Variants in CLVS1 observed in about 807,000 individuals in gnomAD.
CLVS1 encodes clavesin-1.
CLVS1 carries 10 observed loss-of-function variants against 33.1 expected under a neutral mutation model. That is an observed-to-expected ratio of 0.30 (90% CI 0.19 to 0.51). The LOEUF (loss-of-function observed/expected upper bound fraction) is 0.51, where lower values mean the gene tolerates loss of function less well. Ranked by LOEUF, CLVS1 falls within the 20% of genes least tolerant of loss-of-function variation. CLVS1 has a pLI of 0.97. For synonymous variants in CLVS1, 163 were observed against 166.1 expected, an observed-to-expected ratio of 0.98 and a Z score of 0.14; for missense variants, 343 against 433.4, an observed-to-expected ratio of 0.79 and a Z score of 1.85.
chr8:61,430,622 G>A (rs117441024), intron 3 of CLVS1, among the ~76,000 whole-genome samples: 350 of 152,212 alleles, frequency 2.3e-3, no homozygotes, highest in Non-Finnish European at 3.5e-3. Context: ...CTCTTCTCTG[G>A]GGTCCCAGGT....
chr8:60,978,594 C>T, the CLVS1 span, among the ~76,000 whole-genome samples: 1 of 151,976 alleles, frequency 6.6e-6, no homozygotes. Flanking sequence ...GCAGGCGGAT[C>T]ACCTGAGATT....
At chr8:61,146,560 G>A (rs1198734615) in intron 2 of CLVS1, among the ~76,000 whole-genome samples, 7 of 152,212 alleles carry the variant, frequency 4.6e-5, no homozygotes, top group Non-Finnish European at 1.0e-4. Flanking sequence ...AGATTTGTGA[G>A]TGACATTTAG....
chr8:61,271,790 A>G (rs372440643), intron 2 of CLVS1, among the ~76,000 whole-genome samples: 5 of 147,392 alleles, frequency 3.4e-5, no homozygotes, highest in East Asian at 4.0e-4. Context: ...TGTCTCTTTT[A>G]ATCTTTGTTG....
chr8:61,005,262 T>C, the CLVS1 span, among the ~76,000 whole-genome samples: 178 of 152,296 alleles, frequency 1.2e-3, 1 homozygote, highest in Non-Finnish European at 2.3e-3. Flanking sequence ...AGTCTCAAAA[T>C]TGATAGAACA....
intron 2 of CLVS1, among the ~76,000 whole-genome samples, chr8:61,205,968 G>A (rs192832844): frequency 6.6e-6 from 1 of 152,214 alleles, no homozygotes; most frequent in East Asian, 1.9e-4. Flanking sequence ...TAGCCTGTAA[G>A]CTCAAAAGAG....
At chr8:61,432,401 A>T (rs2129605556) in intron 3 of CLVS1, among the ~76,000 whole-genome samples, 1 of 152,308 alleles carries the variant, frequency 6.6e-6, no homozygotes, top group East Asian at 1.9e-4. Flanking sequence ...TTAAAGAGGT[A>T]ATTAAGGTAA....
chr8:61,013,361 ATGTGTTTCAGGGC>A, the CLVS1 span, among the ~76,000 whole-genome samples: 465 of 152,264 alleles, frequency 3.1e-3, 2 homozygotes, highest in African/African-American at 0.01. Flanking sequence ...GTGGCTGAGA[ATGTGTTTCAGGGC>A]TGTACCTCAG....
At chr8:61,139,000 C>T (rs998852055) in intron 2 of CLVS1, among the ~76,000 whole-genome samples, 1 of 152,262 alleles carries the variant, frequency 6.6e-6, no homozygotes, top group Non-Finnish European at 1.5e-5. Context: ...GCTCTTGTTG[C>T]ACTGAAGCTT....
At chr8:61,115,629 G>T (rs1350957337) in intron 1 of CLVS1, among the ~76,000 whole-genome samples, 1 of 151,736 alleles carries the variant, frequency 6.6e-6, no homozygotes, top group Non-Finnish European at 1.5e-5. Context: ...GCGGTGTTTG[G>T]TTTTTTGTTC....
intron 2 of CLVS1, among the ~76,000 whole-genome samples, chr8:61,208,499 T>C (rs899690858): frequency 1.3e-5 from 2 of 152,244 alleles, no homozygotes; most frequent in African/African-American, 2.4e-5. Flanking sequence ...TATTTTGCAG[T>C]GTTTGAATGT....
At chr8:61,264,127 G>C (rs3912535) in intron 2 of CLVS1, among the ~76,000 whole-genome samples, 7 of 151,792 alleles carry the variant, frequency 4.6e-5, no homozygotes, top group Non-Finnish European at 1.0e-4. Flanking sequence ...ACCTATAATA[G>C]AGGCTCAAGC....
chr8:61,423,915 G>T (rs902319801), intron 3 of CLVS1, among the ~76,000 whole-genome samples: 1 of 151,994 alleles, frequency 6.6e-6, no homozygotes, highest in Non-Finnish European at 1.5e-5. Flanking sequence ...TGTGGCAAAG[G>T]TATGTAATTT....
chr8:61,033,319 G>C, the CLVS1 span, among the ~76,000 whole-genome samples: 14 of 116,754 alleles, frequency 1.2e-4, no homozygotes, highest in East Asian at 5.3e-4. Context: ...CTGGCCTGGT[G>C]TCTTTCCCCT....
intron 2 of CLVS1, among the ~76,000 whole-genome samples, chr8:61,147,955 A>G (rs577284927): frequency 1.3e-5 from 2 of 152,366 alleles, no homozygotes; most frequent in Admixed American, 6.5e-5. Context: ...AATGAGAAAA[A>G]TCAAAACCGT....
chr8:60,984,854 T>C, the CLVS1 span, among the ~76,000 whole-genome samples: 1 of 152,142 alleles, frequency 6.6e-6, no homozygotes, highest in Non-Finnish European at 1.5e-5. Context: ...AGCTAGGAAG[T>C]GACAGAGCTG....
At chr8:61,256,181 AC>A (rs1300700327) in intron 2 of CLVS1, among the ~76,000 whole-genome samples, 1 of 152,082 alleles carries the variant, frequency 6.6e-6, no homozygotes, top group Non-Finnish European at 1.5e-5. Flanking sequence ...GAATTTGACT[AC>A]TAAAGGTACC....
In CLVS1 at chr8:61,408,478, T is replaced by C. The variant is rs16927295; in HGVS notation, c.630+31699T>C. 2.3e-3 allele frequency among the ~76,000 whole-genome samples: 355 copies of C among 152,344 alleles called. 3 individuals carry two copies. The highest frequency in any genetic ancestry group is 7.7e-3 in the African/African-American group (321 of 41,590). On this transcript the variant is annotated intron_variant, in intron 3 of 5. Coordinates refer to ENST00000325897, the MANE Select transcript of CLVS1 (RefSeq NM_173519.3). ...GTCTTTACTACATGATGTTAGAATA[T>C]GATCTACTTCTTTTCTCCAGACCTG...
intron 2 of CLVS1, among the ~76,000 whole-genome samples, chr8:61,240,489 A>G (rs1433529478): frequency 6.6e-6 from 1 of 152,122 alleles, no homozygotes; most frequent in Non-Finnish European, 1.5e-5. Context: ...TTGTCAAACA[A>G]TTTCTATGTG....
At chr8:61,330,364 G>C (rs1283027048) in intron 2 of CLVS1, among the ~76,000 whole-genome samples, 4 of 152,138 alleles carry the variant, frequency 2.6e-5, no homozygotes, top group Non-Finnish European at 5.9e-5. Flanking sequence ...TAAGAGTGTG[G>C]GACCCCAGGT....
Sources: gnomAD v4.1 joint callset for allele counts (sites outside exome capture counted in the v4.1 genomes callset) on GRCh38, gnomAD v4.1.1 for gene constraint, MANE v1.5 for transcripts, NCBI Gene and HGNC (gene_info 2026-07-23, HGNC 2026-07-21) for gene names.